The following SH2D4A variants were observed in gnomAD, a reference collection of about 807,000 sequenced individuals.
SH2D4A encodes SH2 domain containing 4A, also known as SH2 domain-containing protein 4A.
SH2D4A carries 70 observed loss-of-function variants against 64.7 expected under a neutral mutation model. The observed-to-expected ratio is 1.08, with a 90% confidence interval of 0.89 to 1.32. The LOEUF (loss-of-function observed/expected upper bound fraction) is 1.32. Ranked by LOEUF, SH2D4A falls within the 40% of genes most tolerant of loss-of-function variation. The pLI is 0.00. For synonymous variants in SH2D4A, 268 were observed against 200.7 expected, an observed-to-expected ratio of 1.34 and a Z score of -2.83; for missense variants, 706 against 540.1, an observed-to-expected ratio of 1.31 and a Z score of -3.04.
At chr8:19,392,125 G>A (rs924213267) in intron 8 of SH2D4A, among the ~76,000 whole-genome samples, 1 of 152,204 alleles carries the variant, frequency 6.6e-6, no homozygotes, top group Non-Finnish European at 1.5e-5. Context: ...GACCTCATGA[G>A]TTTGGACTAA....
chr8:19,363,180 A>T (rs1454667028), intron 6 of SH2D4A, among the ~76,000 whole-genome samples: 1 of 151,858 alleles, frequency 6.6e-6, no homozygotes, highest in Non-Finnish European at 1.5e-5. Flanking sequence ...GTTTCAAGGG[A>T]TTCTCCCGCC....
At chr8:19,371,436 G>A (rs1284987534) in intron 7 of SH2D4A, among the ~76,000 whole-genome samples, 1 of 151,930 alleles carries the variant, frequency 6.6e-6, no homozygotes, top group Admixed American at 6.6e-5. Context: ...GTCTGCTGCT[G>A]GGTGTATTGG....
chr8:19,355,760 G>A (rs79441767), intron 4 of SH2D4A, among the ~76,000 whole-genome samples: 5,691 of 152,220 alleles, frequency 0.037, 166 homozygotes, highest in South Asian at 0.098. Flanking sequence ...GTCATAATAC[G>A]TCTTCAGTAT....
At chr8:19,353,545 T>G (rs2052740890) in intron 4 of SH2D4A, among the ~76,000 whole-genome samples, 1 of 151,934 alleles carries the variant, frequency 6.6e-6, no homozygotes, top group Non-Finnish European at 1.5e-5. Context: ...ATTTTTGTAT[T>G]TTTAGTAGAA....
rs772452833 is a variant in SH2D4A, at chr8:19,373,597, G to A, written c.985G>A (p.Glu329Lys). 1 of 1,613,278 alleles carries A rather than the reference G, an allele frequency of 6.2e-7. No individual in the cohort carries two copies. Among genetic ancestry groups the A allele is most frequent in the Non-Finnish European group, 8.5e-7 (1 of 1,179,654 alleles). Residue 329 changes from glutamate (E) to lysine (K), a missense_variant, in exon 8 of 10, where the codon GAG (glutamate) becomes AAG (lysine). Glu to Lys is a moderately conservative substitution (Grantham distance 56). Coordinates refer to ENST00000265807, the MANE Select transcript of SH2D4A (RefSeq NM_022071.4). The part of the protein sequence containing the change: ...QEDIIRWFKE[E>K]QLPLRAGYQK... ...GGACATCATCCGGTGGTTTAAAGAG[G>A]AGCAGCTACCACTTCGAGCGGGCTA...
chr8:19,336,839 C>T (rs1248152009), intron 4 of SH2D4A, among the ~76,000 whole-genome samples: 1 of 152,060 alleles, frequency 6.6e-6, no homozygotes, highest in Non-Finnish European at 1.5e-5. Flanking sequence ...TGTACTGTAG[C>T]CTGGGGGACC....
Position 19,395,398 on chromosome 8 carries a change from G to A in SH2D4A, c.*756G>A, listed in dbSNP as rs2053572061. ...TGCTTAGACAAGAACAGAATAAGCA[G>A]GCTGTTTGGATGCTACTTGTGGTTG... On this transcript the variant is annotated 3_prime_UTR_variant, in exon 10 of 10. Coordinates refer to ENST00000265807, the MANE Select transcript of SH2D4A (RefSeq NM_022071.4). 1 of 152,160 alleles carries A rather than the reference G, an allele frequency of 6.6e-6. No homozygotes were observed. Among genetic ancestry groups the A allele is most frequent in the Admixed American group, 6.6e-5 (1 of 15,264 alleles). 9.4% of individuals were successfully genotyped at this position (152,160 alleles called of 1,614,324 possible).
chr8:19,366,517 C>A (rs897309864), intron 7 of SH2D4A, among the ~76,000 whole-genome samples: 1 of 152,162 alleles, frequency 6.6e-6, no homozygotes, highest in African/African-American at 2.4e-5. Flanking sequence ...ATCAACCTGG[C>A]TGGGTGTGGT....
At chr8:19,357,507 A>G (rs1338448478) in intron 5 of SH2D4A, among the ~76,000 whole-genome samples, 1 of 151,994 alleles carries the variant, frequency 6.6e-6, no homozygotes, top group Non-Finnish European at 1.5e-5. Context: ...TATTAGCTAA[A>G]CTCCTCCCAG....
intron 4 of SH2D4A, among the ~76,000 whole-genome samples, chr8:19,335,763 T>G (rs1461347211): frequency 1.3e-5 from 2 of 152,234 alleles, no homozygotes; most frequent in Non-Finnish European, 2.9e-5. Flanking sequence ...CCCAACATAA[T>G]AGAAATTTTA....
intron 4 of SH2D4A, among the ~76,000 whole-genome samples, chr8:19,356,293 A>G (rs1001523227): frequency 2.0e-5 from 3 of 152,348 alleles, no homozygotes; most frequent in East Asian, 1.9e-4. Flanking sequence ...GGTTTATTGC[A>G]TGGTGCAGTA....
At chr8:19,323,985 A>C (rs1346846910) in intron 2 of SH2D4A, among the ~76,000 whole-genome samples, 1 of 152,220 alleles carries the variant, frequency 6.6e-6, no homozygotes, top group Admixed American at 6.5e-5. Context: ...CAAAGCCAGC[A>C]CTGTAAACAA....
chr8:19,323,691 T>A (rs1277191237), intron 2 of SH2D4A, among the ~76,000 whole-genome samples: 10 of 152,174 alleles, frequency 6.6e-5, no homozygotes, highest in Non-Finnish European at 1.3e-4. Flanking sequence ...TCCTTTTGAT[T>A]TTTTTAATGT....
intron 4 of SH2D4A, among the ~76,000 whole-genome samples, chr8:19,336,179 T>C (rs772955272): frequency 1.3e-5 from 2 of 152,168 alleles, no homozygotes; most frequent in Non-Finnish European, 2.9e-5. Context: ...CTAGGTGTGG[T>C]TAAGCAACCT....
At chr8:19,384,719 C>T (rs141356733) in intron 8 of SH2D4A, among the ~76,000 whole-genome samples, 1 of 152,096 alleles carries the variant, frequency 6.6e-6, no homozygotes, top group African/African-American at 2.4e-5. Context: ...TACCCACTAA[C>T]ATGCTTTTAA....
intron 8 of SH2D4A, among the ~76,000 whole-genome samples, chr8:19,387,510 G>T (rs1373821330): frequency 6.6e-6 from 1 of 152,254 alleles, no homozygotes; most frequent in East Asian, 1.9e-4. Flanking sequence ...AAAGTGCTGG[G>T]ATTATGGGCA....
intron 4 of SH2D4A, among the ~76,000 whole-genome samples, chr8:19,336,933 T>A (rs549098577): frequency 1.1e-4 from 16 of 152,290 alleles, no homozygotes; most frequent in African/African-American, 3.8e-4. Context: ...TTTAGACCTT[T>A]TTTTTTCAAA....
intron 8 of SH2D4A, among the ~76,000 whole-genome samples, chr8:19,387,054 C>G (rs1046589842): frequency 1.1e-5 from 1 of 93,636 alleles, no homozygotes; most frequent in African/African-American, 4.4e-5. Flanking sequence ...GAGATGGGGT[C>G]TTGCCAAGCT....
chr8:19,374,974 T>C (rs17478608), intron 8 of SH2D4A, among the ~76,000 whole-genome samples: 8,443 of 152,224 alleles, frequency 0.055, 317 homozygotes, highest in Non-Finnish European at 0.078. Context: ...AGAAGGGTAG[T>C]TTTTTTAACA....
Sources: gnomAD v4.1 joint callset for allele counts (sites outside exome capture counted in the v4.1 genomes callset) on GRCh38, gnomAD v4.1.1 for gene constraint, MANE v1.5 for transcripts, NCBI Gene and HGNC (gene_info 2026-07-23, HGNC 2026-07-21) for gene names.